R3HDM1: variants seen among roughly 807,000 people sequenced by gnomAD.
R3HDM1 encodes R3H domain containing 1, also known as R3H domain-containing protein 1.
Under a neutral mutation model 141.1 loss-of-function variants are expected in R3HDM1, and 46 were observed. The observed-to-expected ratio is 0.33, with a 90% CI of 0.26 to 0.42. The LOEUF (loss-of-function observed/expected upper bound fraction) is 0.42, where lower values mean the gene tolerates loss of function less well. R3HDM1 is among the 10% of genes least tolerant of loss of function. The pLI, the probability that R3HDM1 is intolerant of heterozygous loss-of-function variation, is 1.00. For missense variants in R3HDM1, 1,184 were observed against 1,368.3 expected, an observed-to-expected ratio of 0.87 and a Z score of 2.12; for synonymous variants, 435 against 472.9, an observed-to-expected ratio of 0.92 and a Z score of 1.04.
At chr2:135,618,995 G>T (rs145502125) in intron 5 of R3HDM1, among the ~76,000 whole-genome samples, 96 of 151,162 alleles carry the variant, frequency 6.4e-4, no homozygotes, top group African/African-American at 2.2e-3. Context: ...GCTCCAGCCT[G>T]GGTGACAAGA....
intron 21 of R3HDM1, among the ~76,000 whole-genome samples, chr2:135,688,442 A>T (rs1304940835): frequency 1.3e-5 from 2 of 152,208 alleles, no homozygotes; most frequent in African/African-American, 4.8e-5. Flanking sequence ...GTGGATTCAT[A>T]AGATGATGAA....
At chr2:135,692,587 G>C (rs1200843462) in intron 21 of R3HDM1, among the ~76,000 whole-genome samples, 1 of 151,948 alleles carries the variant, frequency 6.6e-6, no homozygotes, top group Non-Finnish European at 1.5e-5. Context: ...GCAAGACTCG[G>C]TCTCAAAAAA....
intron 1 of R3HDM1, among the ~76,000 whole-genome samples, chr2:135,595,392 G>A (rs1164892706): frequency 6.6e-6 from 1 of 152,136 alleles, no homozygotes; most frequent in African/African-American, 2.4e-5. Flanking sequence ...TCTACATGGA[G>A]TACAGGTAGT....
At chr2:135,650,749 A>G in intron 17 of R3HDM1, 2 of 982,064 alleles carry the variant, frequency 2.0e-6, no homozygotes, top group Non-Finnish European at 2.4e-6. Context: ...TAAATCAGGC[A>G]TCTCCTTTCA....
chr2:135,699,037 A>ATAGATT (rs1559466073), intron 21 of R3HDM1, among the ~76,000 whole-genome samples: 2 of 99,894 alleles, frequency 2.0e-5, no homozygotes, highest in East Asian at 3.0e-4. Flanking sequence ...ATAGATAGAT[A>ATAGATT]GATAGATAAG....
At chr2:135,603,667 G>A (rs2059810250) in intron 2 of R3HDM1, among the ~76,000 whole-genome samples, 1 of 152,162 alleles carries the variant, frequency 6.6e-6, no homozygotes, top group Non-Finnish European at 1.5e-5. Context: ...GAGTCTAGTG[G>A]CGTGATCACA....
intron 19 of R3HDM1, 96 bp from the exon 20 acceptor site, chr2:135,675,233 TATC>T: frequency 4.1e-6 from 5 of 1,212,906 alleles, no homozygotes; most frequent in Non-Finnish European, 4.5e-6. Flanking sequence ...ATCAAAATTT[TATC>T]ATTTTAGAGC....
intron 21 of R3HDM1, among the ~76,000 whole-genome samples, chr2:135,700,992 T>G (rs1350646019): frequency 6.6e-6 from 1 of 152,194 alleles, no homozygotes; most frequent in African/African-American, 2.4e-5. Context: ...CGATAAAGTT[T>G]TAATTTATAA....
At chr2:135,587,527 G>C (rs933257747) in intron 1 of R3HDM1, among the ~76,000 whole-genome samples, 3 of 151,988 alleles carry the variant, frequency 2.0e-5, no homozygotes, top group Admixed American at 1.3e-4. Flanking sequence ...TAAGTAATTA[G>C]GGTCATGAAA....
chr2:135,671,395 G>C (rs1284453284), intron 19 of R3HDM1, among the ~76,000 whole-genome samples: 1 of 151,932 alleles, frequency 6.6e-6, no homozygotes, highest in African/African-American at 2.4e-5. Context: ...TTAAGATGGA[G>C]TTTCGCTCTT....
chr2:135,542,293 C>T (rs1233852862), intron 1 of R3HDM1, among the ~76,000 whole-genome samples: 6 of 152,102 alleles, frequency 3.9e-5, no homozygotes, highest in Admixed American at 1.3e-4. Context: ...AATGAATATC[C>T]TCTGCAAAAT....
chr2:135,610,199 A>C (rs1014672653), intron 3 of R3HDM1, among the ~76,000 whole-genome samples: 1 of 152,226 alleles, frequency 6.6e-6, no homozygotes, highest in African/African-American at 2.4e-5. Flanking sequence ...GTACTTAACA[A>C]ATAGTTTGTC....
intron 11 of R3HDM1, 23 bp from the exon 12 acceptor site, chr2:135,638,595 T>C: frequency 6.3e-7 from 1 of 1,593,592 alleles, no homozygotes; most frequent in Non-Finnish European, 8.6e-7. Context: ...AGCTCAACTT[T>C]TTGTATCTAT....
At chr2:135,608,921 A>C (rs2060298529) in intron 3 of R3HDM1, among the ~76,000 whole-genome samples, 1 of 152,220 alleles carries the variant, frequency 6.6e-6, no homozygotes, top group South Asian at 2.1e-4. Flanking sequence ...TGATTAAAGG[A>C]AACAAATGTT....
At chr2:135,542,725 C>T (rs1249989125) in intron 1 of R3HDM1, among the ~76,000 whole-genome samples, 1 of 152,190 alleles carries the variant, frequency 6.6e-6, no homozygotes, top group African/African-American at 2.4e-5. Flanking sequence ...AATGTAAATG[C>T]TTAAGTTACA....
chr2:135,581,678 A>G (rs1226474926), intron 1 of R3HDM1, among the ~76,000 whole-genome samples: 1 of 152,186 alleles, frequency 6.6e-6, no homozygotes, highest in Non-Finnish European at 1.5e-5. Flanking sequence ...TCCTACTTCT[A>G]GTGGCATCAA....
rs114023130 is a variant in R3HDM1 at position 135,548,206 on chromosome 2, G to A, written c.-250+16573G>A. 2.4e-3 allele frequency among the ~76,000 whole-genome samples: 362 copies of A among 152,170 alleles called. 3 individuals carry two copies. The highest frequency in any genetic ancestry group is 8.1e-3 in the African/African-American group (337 of 41,532). ...CTGTTAAGAGACCTGTTGCCAATCT[G>A]ATATTTCATTTTATTTTGAAATTTT... is the stretch of plus-strand genomic sequence containing the variant. On this transcript the variant is annotated intron_variant, in intron 1 of 26. Coordinates refer to ENST00000683871, the MANE Select transcript of R3HDM1 (RefSeq NM_001378107.1).
At chr2:135,601,213 T>C (rs556521436) in intron 1 of R3HDM1, among the ~76,000 whole-genome samples, 1 of 152,348 alleles carries the variant, frequency 6.6e-6, no homozygotes, top group African/African-American at 2.4e-5. Context: ...TTTGATGTAG[T>C]GGCTGGAGAA....
chr2:135,671,567 C>T (rs2068350464), intron 19 of R3HDM1, among the ~76,000 whole-genome samples: 1 of 151,660 alleles, frequency 6.6e-6, no homozygotes, highest in African/African-American at 2.4e-5. Context: ...TGGGGTTTCA[C>T]TATGTTGGTC....
Sources: gnomAD v4.1 joint callset for allele counts (sites outside exome capture counted in the v4.1 genomes callset) on GRCh38, gnomAD v4.1.1 for gene constraint, MANE v1.5 for transcripts, NCBI Gene and HGNC (gene_info 2026-07-23, HGNC 2026-07-21) for gene names.